The following MCM3AP variants were observed in gnomAD, a reference collection of about 807,000 sequenced individuals.
MCM3AP encodes the protein minichromosome maintenance complex component 3 associated protein.
Under a neutral mutation model 184.1 loss-of-function variants are expected in MCM3AP, and 126 were observed. That is an observed-to-expected ratio of 0.68 (90% CI 0.59 to 0.79). The LOEUF is 0.79. Ranked by LOEUF, MCM3AP falls within the 30% of genes least tolerant of loss-of-function variation. The pLI is 0.00. For missense variants in MCM3AP, 2,496 were observed against 2,479.2 expected, an observed-to-expected ratio of 1.01 and a Z score of -0.14; for synonymous variants, 1,002 against 979.3, an observed-to-expected ratio of 1.02 and a Z score of -0.43.
In MCM3AP at chr21:46,280,143, G is replaced by A; in HGVS notation, c.1523-6C>T. The A allele has an allele frequency of 6.2e-7, 1 of 1,613,848 alleles. No individual in the cohort carries two copies. The highest frequency in any genetic ancestry group is 8.5e-7 in the Non-Finnish European group (1 of 1,179,900). ...AAAGGGTTTCTTATTGGGGCCTGTG[G>A]ACATAGGAGGCAGAAAAGAGTTTAT... On this transcript the variant is annotated splice_region_variant and splice_polypyrimidine_tract_variant and intron_variant, in intron 3 of 27. Coordinates refer to ENST00000291688, the MANE Select transcript of MCM3AP (RefSeq NM_003906.5).
chr21:46,265,415 A>G lies in MCM3AP; in HGVS notation c.3140T>C (p.Leu1047Pro). The G allele has an allele frequency of 6.2e-7, 1 of 1,614,020 alleles. No homozygotes were observed. The highest frequency in any genetic ancestry group is 8.5e-7 in the Non-Finnish European group (1 of 1,179,940). Residue 1047 changes from leucine (L) to proline (P), a missense_variant, in exon 12 of 28, where the codon CTG becomes CCG. By Grantham distance (98) the Leu-to-Pro change is moderately conservative. This residue lies in a region of MCM3AP where 1,323 missense variants were observed against 1,273.4 expected (regional missense o/e 1.04). Transcript: ENST00000291688. ...APSPVPLPPVLALTPSVAPSL... is the reference protein window; with the variant it reads ...APSPVPLPPVPALTPSVAPSL... ...GGGCGCCACAGACGGGGTCAGTGCC[A>G]GGACAGGAGGCAGAGGCACTGGTGA...
At chr21:46,258,385 T>C (rs963685229) in intron 16 of MCM3AP, among the ~76,000 whole-genome samples, 1 of 152,168 alleles carries the variant, frequency 6.6e-6, no homozygotes, top group Non-Finnish European at 1.5e-5. Flanking sequence ...AGTTGAGAAG[T>C]TGTGGCCATG....
intron 20 of MCM3AP, among the ~76,000 whole-genome samples, chr21:46,249,425 A>G (rs1419620182): frequency 6.6e-6 from 1 of 152,110 alleles, no homozygotes; most frequent in Non-Finnish European, 1.5e-5. Flanking sequence ...TGCACTCAAA[A>G]CAATCCGCTC....
intron 25 of MCM3AP, 197 bp from the exon 26 acceptor site, chr21:46,241,214 G>C: frequency 1.7e-6 from 1 of 587,712 alleles, no homozygotes; most frequent in Non-Finnish European, 3.0e-6. Flanking sequence ...GTGGAGCAAA[G>C]AGGGAAGGCA....
Position 46,285,002 on chromosome 21 carries a change from A to AG in MCM3AP, c.284dup (p.Thr96TyrfsTer16). ...CAGATGAACTTGAAGGCCCAGAGGT[A>AG]GCCACAAAGGTGGAAGTGTGCTCAA... On this transcript the variant is annotated frameshift_variant, in exon 1 of 28. Coordinates refer to ENST00000291688, the MANE Select transcript of MCM3AP (RefSeq NM_003906.5). LOFTEE classifies it high-confidence loss of function. The AG allele has an allele frequency of 6.2e-7, 1 of 1,614,226 alleles. No homozygotes were observed. Among genetic ancestry groups the AG allele is most frequent in the Non-Finnish European group, 8.5e-7 (1 of 1,180,036 alleles).
rs146864331 is a variant in MCM3AP, at chr21:46,242,901, A to G, written c.5327T>C (p.Val1776Ala). 2.9e-4 allele frequency: 461 copies of G among 1,613,498 alleles called. No homozygotes were observed. Among genetic ancestry groups the G allele is most frequent in the Non-Finnish European group, 3.6e-4 (426 of 1,179,724 alleles). The change falls in exon 25 of 28, where the codon GTG (valine) becomes GCG (alanine). Residue 1776 changes from valine (V) to alanine (A), a missense_variant. Transcript: ENST00000291688. ...EALSEDGQICVYFFKNDLKKY... is the reference protein window; with the variant it reads ...EALSEDGQICAYFFKNDLKKY... ...TTTCAAATCGTTTTTAAAAAAATAC[A>G]CACATATCTGACCATCTTCACTCAG...
Position 46,270,430 on chromosome 21 carries a change from C to T in MCM3AP, c.2599G>A (p.Ala867Thr). 3.1e-6 allele frequency: 5 copies of T among 1,613,328 alleles called. No homozygotes were observed. The highest frequency in any genetic ancestry group is 1.3e-5 in the African/African-American group (1 of 74,990). Residue 867 changes from alanine (A) to threonine (T), a missense_variant, in exon 9 of 28, where the codon GCT becomes ACT. Physicochemically the swap from Ala to Thr is moderately conservative, Grantham distance 58 (BLOSUM62 0). Transcript: ENST00000291688. ...CTGAAGTAACAGTGTAAAAGACAAG[C>T]GTTCAGGTAAGAAGCTGACTGGACC... ...KLVQSASYLNACLLHCYFSQI... is the reference protein window; with the variant it reads ...KLVQSASYLNTCLLHCYFSQI...
intron 9 of MCM3AP, chr21:46,268,010 AAC>A (rs2081135348): frequency 6.6e-6 from 1 of 152,204 alleles, no homozygotes; most frequent in Admixed American, 6.5e-5. Context: ...CAGCCTGGCC[AAC>A]ATGGTGAAAC....
In MCM3AP at chr21:46,280,054, G is replaced by GA; in HGVS notation, c.1605dup (p.Gln536SerfsTer15). ...GCGGCCTTGCCAAGAGGAGAGTGCTGAAAGGGTGCATCCTCTGTGCTCGGG... is the reference window on the plus strand; with the variant it reads ...GCGGCCTTGCCAAGAGGAGAGTGCTGAAAAGGGTGCATCCTCTGTGCTCGGG... On this transcript the variant is annotated frameshift_variant, in exon 4 of 28. Coordinates refer to ENST00000291688, the MANE Select transcript of MCM3AP (RefSeq NM_003906.5). LOFTEE classifies it high-confidence loss of function. 1 of 1,614,128 alleles carries GA rather than the reference G, an allele frequency of 6.2e-7. No individual in the cohort carries two copies. The highest frequency in any genetic ancestry group is 8.5e-7 in the Non-Finnish European group (1 of 1,179,952).
intron 9 of MCM3AP, chr21:46,267,586 T>A (rs1163184508): frequency 7.0e-6 from 1 of 143,392 alleles, no homozygotes; most frequent in Non-Finnish European, 1.5e-5. Flanking sequence ...ACAAGAGCCT[T>A]AAAAAAAAAA....
chr21:46,272,037 C>G (rs1036728230), intron 8 of MCM3AP, among the ~76,000 whole-genome samples: 1 of 151,852 alleles, frequency 6.6e-6, no homozygotes, highest in Admixed American at 6.6e-5. Flanking sequence ...GAGGGTCCAC[C>G]ACAAGCAGAG....
At position 46,270,531 on chromosome 21, in the gene MCM3AP, T is replaced by C; in HGVS notation, c.2498A>G (p.Asn833Ser). The change falls in exon 9 of 28, where the codon AAC (asparagine) becomes AGC (serine). Residue 833 changes from asparagine (N) to serine (S), a missense_variant. Transcript: ENST00000291688. ...AACAGCAAATTTCACCTCAGATGAG[T>C]TTCTAACAGCAGGATGGAACTGTTG... Reference protein sequence around the residue: ...EVQQFHPAVRNSSEVKFAVQA... With the variant: ...EVQQFHPAVRSSSEVKFAVQA... 6.2e-7 allele frequency: 1 copy of C among 1,613,050 alleles called. No homozygotes were observed. Among genetic ancestry groups the C allele is most frequent in the Non-Finnish European group, 8.5e-7 (1 of 1,179,596 alleles).
intron 23 of MCM3AP, 133 bp downstream of exon 23, chr21:46,244,674 A>T: frequency 1.0e-6 from 1 of 957,590 alleles, no homozygotes; most frequent in South Asian, 1.7e-5. Context: ...CGAGCACAGC[A>T]TGGAGACACA....
chr21:46,283,316 A>G (rs887707813), intron 2 of MCM3AP, among the ~76,000 whole-genome samples: 1 of 152,222 alleles, frequency 6.6e-6, no homozygotes, highest in Non-Finnish European at 1.5e-5. Flanking sequence ...CTCAACTTCC[A>G]AAAGTACTAT....
intron 2 of MCM3AP, among the ~76,000 whole-genome samples, chr21:46,283,216 C>A (rs1020710640): frequency 6.6e-6 from 1 of 152,208 alleles, no homozygotes; most frequent in East Asian, 1.9e-4. Flanking sequence ...TAAGCCACCA[C>A]GCCCGGCCAA....
At chr21:46,283,019 G>A (rs1379318707) in intron 2 of MCM3AP, among the ~76,000 whole-genome samples, 6 of 151,376 alleles carry the variant, frequency 4.0e-5, no homozygotes, top group Non-Finnish European at 5.9e-5. Context: ...GCCGCCTCCC[G>A]GATTCAAGCA....
In MCM3AP at chr21:46,251,890, T is replaced by C; in HGVS notation, c.4137-208A>G. The C allele has an allele frequency of 7.8e-6, 3 of 382,672 alleles. No homozygotes were observed. In the East Asian group the frequency reaches 1.2e-4, roughly 15 times the overall value. 23.7% of individuals were successfully genotyped at this position (382,672 alleles called of 1,614,324 possible). On this transcript the variant is annotated intron_variant, in intron 19 of 27. Coordinates refer to ENST00000291688, the MANE Select transcript of MCM3AP (RefSeq NM_003906.5). Reference sequence around the variant, plus strand: ...ACGATCTGTACTCGTTCTTTTTTTTTTTTTTTTTTTTTTGAGCCAGGGTCT... The same window carrying C: ...ACGATCTGTACTCGTTCTTTTTTTTCTTTTTTTTTTTTTGAGCCAGGGTCT...
chr21:46,266,670 CATTGGCTGGCAAAGGCA>C (rs2081116732), intron 10 of MCM3AP: 1 of 347,508 alleles, frequency 2.9e-6, no homozygotes, highest in Non-Finnish European at 5.3e-6. Flanking sequence ...GGTTGTCCGT[CATTGGCTGGCAAAGGCA>C]GTCAAGGGAA....
At chr21:46,261,252 T>C (rs1251457877) in intron 14 of MCM3AP, 28 bp downstream of exon 14, 4 of 1,612,656 alleles carry the variant, frequency 2.5e-6, no homozygotes, top group Admixed American at 1.7e-5. Flanking sequence ...GAGCTCCTTA[T>C]TCGGCTGCAT....
Sources: allele counts gnomAD v4.1 joint callset (sites outside exome capture counted in the v4.1 genomes callset), GRCh38; gene constraint gnomAD v4.1.1; regional missense constraint gnomAD v4.1.1; transcripts MANE v1.5; gene names NCBI Gene and HGNC (gene_info 2026-07-23, HGNC 2026-07-21).